The following USP7 variants were observed in gnomAD, a reference collection of about 807,000 sequenced individuals.
USP7 encodes ubiquitin C-terminal hydrolase 7.
Under a neutral mutation model 162.9 loss-of-function variants are expected in USP7, and 9 were observed. The ratio of observed to expected loss-of-function variants is 0.06; its 90% confidence interval spans 0.03 to 0.10. USP7 has a LOEUF of 0.10. Ranked by LOEUF, USP7 falls within the 10% of genes least tolerant of loss-of-function variation. The pLI is 1.00. For synonymous variants in USP7, 562 were observed against 475.9 expected, an observed-to-expected ratio of 1.18 and a Z score of -2.35; for missense variants, 715 against 1,373.7, an observed-to-expected ratio of 0.52 and a Z score of 7.58.
At chr16:8,930,419 T>C in intron 1 of USP7, 22 bp from the exon 2 acceptor site, 1 of 1,578,408 alleles carries the variant, frequency 6.3e-7, no homozygotes, top group Non-Finnish European at 8.6e-7. Context: ...AAAAAGAAAT[T>C]CCACGGGTTT....
chr16:8,935,395 G>A (rs1792476172), intron 1 of USP7, among the ~76,000 whole-genome samples: 1 of 152,068 alleles, frequency 6.6e-6, no homozygotes, highest in African/African-American at 2.4e-5. Context: ...TATTTTTGTA[G>A]AGATGGGGTT....
intron 1 of USP7, among the ~76,000 whole-genome samples, chr16:8,953,394 TGGACACTACA>T (rs551094626): frequency 6.4e-4 from 98 of 152,266 alleles, no homozygotes; most frequent in African/African-American, 2.2e-3. Context: ...CCAGCCTCTG[TGGACACTACA>T]GGACACCAAG....
intron 21 of USP7, 112 bp from the exon 22 acceptor site, chr16:8,899,869 A>C (rs2061746532): frequency 6.8e-6 from 9 of 1,327,734 alleles, no homozygotes; most frequent in Admixed American, 5.6e-5. Flanking sequence ...CTCTTGCAAG[A>C]TAAATTCAGG....
Position 8,903,348 on chromosome 16 carries a change from C to G in USP7, c.1759G>C (p.Glu587Gln). 1 of 1,614,144 alleles carries G rather than the reference C, an allele frequency of 6.2e-7. No individual in the cohort carries two copies. Among genetic ancestry groups the G allele is most frequent in the Non-Finnish European group, 8.5e-7 (1 of 1,180,018 alleles). ...GHQGNDMYDEEKVKYTVFKVL... is the reference protein window; with the variant it reads ...GHQGNDMYDEQKVKYTVFKVL... ...TTGAACACAGTGTATTTCACTTTTT[C>G]TTCATCGTACATGTCATTCCCTTGG... Residue 587 changes from glutamate to glutamine, a missense_variant, in exon 16 of 31, where the codon GAA becomes CAA. Physicochemically the swap from Glu to Gln is conservative, Grantham distance 29 (BLOSUM62 2). Around this residue, in one of 11 missense-constraint regions of USP7, gnomAD observed 197 missense variants for 306.5 expected, o/e 0.64. Transcript: ENST00000344836.
rs138352786 is a variant in USP7, at chr16:8,894,934, A to G, written c.3040-79T>C. The G allele has an allele frequency of 5.9e-4, 945 of 1,613,590 alleles. 7 individuals are homozygous for G. The African/African-American group carries it at 0.011, about 19-fold the overall frequency. ...ACGTCACGTGGCAGCCGCCAAAACC[A>G]ACGCCTAACCCCAGCAGGAGCGCAG... On this transcript the variant is annotated intron_variant, in intron 28 of 30. Transcript: ENST00000344836.
intron 3 of USP7, among the ~76,000 whole-genome samples, chr16:8,922,534 T>G (rs1008023632): frequency 4.8e-4 from 73 of 152,156 alleles, no homozygotes; most frequent in Non-Finnish European, 7.8e-4. Context: ...CAGTTCACTC[T>G]GGGGAACATG....
intron 25 of USP7, 73 bp downstream of exon 25, chr16:8,898,287 A>C: frequency 1.6e-6 from 2 of 1,254,868 alleles, no homozygotes; most frequent in Non-Finnish European, 2.3e-6. Flanking sequence ...TTAGTTTTCA[A>C]TGTCTGGGGA....
In USP7 at chr16:8,916,684, T is replaced by C. The variant is rs947897334; in HGVS notation, c.852-128A>G. 69 of 989,594 alleles carry C rather than the reference T, an allele frequency of 7.0e-5. No homozygotes were observed. In the African/African-American group the frequency reaches 1.1e-3, roughly 15 times the overall value. 61.3% of individuals were successfully genotyped at this position (989,594 alleles called of 1,614,324 possible). On this transcript the variant is annotated intron_variant, in intron 7 of 30. Transcript: ENST00000344836. Reference sequence around the variant, plus strand: ...TTCTCAAATTCCTTTTCTGTGAAGATTATTTTTGGGAGTCATAATTCAAAG... The same window carrying C: ...TTCTCAAATTCCTTTTCTGTGAAGACTATTTTTGGGAGTCATAATTCAAAG...
At chr16:8,899,366 G>T in intron 22 of USP7, 178 bp from the exon 23 acceptor site, 1 of 743,760 alleles carries the variant, frequency 1.3e-6, no homozygotes, top group Non-Finnish European at 2.2e-6. Context: ...TAGCATATCT[G>T]ATGAAGATAA....
At chr16:8,945,535 T>C (rs556788107) in intron 1 of USP7, among the ~76,000 whole-genome samples, 1 of 152,340 alleles carries the variant, frequency 6.6e-6, no homozygotes, top group East Asian at 1.9e-4. Context: ...GCACTAGTGA[T>C]GTACTGTGAA....
chr16:8,903,189 A>T, intron 16 of USP7, 79 bp downstream of exon 16: 1 of 1,543,154 alleles, frequency 6.5e-7, no homozygotes, highest in Non-Finnish European at 8.8e-7. Context: ...CCCAAAGGCA[A>T]TCAGTATTTT....
intron 1 of USP7, among the ~76,000 whole-genome samples, chr16:8,951,142 G>A (rs57461843): frequency 1.3e-5 from 2 of 152,074 alleles, no homozygotes; most frequent in African/African-American, 4.8e-5. Context: ...AACCAAGTAA[G>A]GATTTCTGTA....
chr16:8,919,317 G>A (rs148082056), intron 5 of USP7, among the ~76,000 whole-genome samples, 178 bp from the exon 6 acceptor site: 5 of 152,084 alleles, frequency 3.3e-5, no homozygotes, highest in Admixed American at 2.0e-4. Flanking sequence ...GTGAACTGGT[G>A]CAAATGCAAC....
At chr16:8,898,903 T>C (rs1159483449) in intron 23 of USP7, among the ~76,000 whole-genome samples, 8 of 152,352 alleles carry the variant, frequency 5.3e-5, no homozygotes, top group African/African-American at 1.9e-4. Flanking sequence ...ACTGAGGATG[T>C]ATCTAAAGTC....
chr16:8,904,219 C>T (rs566280100), intron 15 of USP7, among the ~76,000 whole-genome samples: 3 of 152,316 alleles, frequency 2.0e-5, no homozygotes, highest in East Asian at 3.9e-4. Context: ...CAGGAGAGCA[C>T]GTGGAGCAGC....
intron 10 of USP7, among the ~76,000 whole-genome samples, chr16:8,914,314 C>T (rs1314034134): frequency 6.6e-6 from 1 of 151,924 alleles, no homozygotes; most frequent in African/African-American, 2.4e-5. Context: ...GCAACTCTGC[C>T]ACCTTCCTGA....
At chr16:8,961,456 C>A (rs1327685282) in intron 1 of USP7, among the ~76,000 whole-genome samples, 1 of 137,272 alleles carries the variant, frequency 7.3e-6, no homozygotes, top group Non-Finnish European at 1.5e-5. Flanking sequence ...CGCGCCACTG[C>A]ACTCCAGCCT....
chr16:8,946,275 A>G (rs1218537694), intron 1 of USP7, among the ~76,000 whole-genome samples: 1 of 152,230 alleles, frequency 6.6e-6, no homozygotes, highest in Non-Finnish European at 1.5e-5. Context: ...TCAAAAAAAC[A>G]AAACACAACA....
intron 1 of USP7, among the ~76,000 whole-genome samples, chr16:8,931,787 T>C (rs1326447198): frequency 1.3e-5 from 2 of 152,216 alleles, no homozygotes; most frequent in East Asian, 3.8e-4. Context: ...CTTTTAGGTT[T>C]TACCTAGGTT....
Sources: gnomAD v4.1 joint callset for allele counts (sites outside exome capture counted in the v4.1 genomes callset) on GRCh38, gnomAD v4.1.1 for gene constraint, gnomAD v4.1.1 regional missense constraint, MANE v1.5 for transcripts, NCBI Gene and HGNC (gene_info 2026-07-23, HGNC 2026-07-21) for gene names.